Variants in TCEAL1 observed in about 807,000 individuals in gnomAD.
TCEAL1 encodes the protein transcription elongation factor A protein-like 1.
For missense variants in TCEAL1, 82 were observed against 125.9 expected (o/e 0.65, Z 1.67); for synonymous variants, 48 against 46.0 (o/e 1.04, Z -0.17).
chrX:103,630,042 G>A lies in TCEAL1; in HGVS notation c.126G>A (p.Gln42=), dbSNP rs1335079474. 1.2e-5 allele frequency: 15 copies of A among 1,208,192 alleles called. No individual in the cohort carries two copies. Among genetic ancestry groups the A allele is most frequent in the Non-Finnish European group, 1.7e-5 (15 of 894,396 alleles). Residue 42 remains glutamine, a synonymous_variant, in exon 3 of 3, where the codon CAG becomes CAA. Transcript: ENST00000372625. The part of the protein sequence containing the change: ...QSPEEQSSEE[Q]SSEEEFFPEE... ...CCGAGGAGCAGTCTTCGGAGGAGCA[G>A]TCCTCGGAGGAGGAGTTCTTTCCTG...
chrX:103,630,239 G>A lies in TCEAL1; in HGVS notation c.323G>A (p.Arg108His). 4 of 1,211,886 alleles carry A rather than the reference G, an allele frequency of 3.3e-6. No individual in the cohort carries two copies. Among genetic ancestry groups the A allele is most frequent in the Non-Finnish European group, 4.5e-6 (4 of 895,592 alleles). Residue 108 changes from arginine to histidine, a missense_variant, in exon 3 of 3, where the codon CGT (arginine) becomes CAT (histidine). Transcript: ENST00000372625. The part of the protein sequence containing the change: ...EEGSFKERLA[R>H]SRPQFRGDIH... ...GGAAGCTTTAAAGAAAGGTTGGCTC[G>A]TTCTCGCCCGCAATTTAGAGGGGAC...
In TCEAL1 at chrX:103,630,329, A is replaced by G. The variant is rs751269057; in HGVS notation, c.413A>G (p.Lys138Arg). ...GCAGCAGATGAGCTAGAAGAGATGAAAAGAGTAAGAAACAAACTGATGATA... is the reference window on the plus strand; with the variant it reads ...GCAGCAGATGAGCTAGAAGAGATGAGAAGAGTAAGAAACAAACTGATGATA... ...IQAADELEEM[K>R]RVRNKLMIMH... Residue 138 changes from lysine to arginine, a missense_variant, in exon 3 of 3, where the codon AAA (lysine) becomes AGA (arginine). Transcript: ENST00000372625. The G allele has an allele frequency of 4.8e-5, 58 of 1,210,364 alleles. No homozygotes were observed. Among genetic ancestry groups the G allele is most frequent in the Non-Finnish European group, 6.0e-5 (54 of 895,178 alleles).
rs775237143 is a variant in TCEAL1, at chrX:103,630,245, G to A, written c.329G>A (p.Arg110His). 4 of 1,210,271 alleles carry A rather than the reference G, an allele frequency of 3.3e-6. No homozygotes were observed. Among genetic ancestry groups the A allele is most frequent in the Non-Finnish European group, 4.5e-6 (4 of 895,284 alleles). The change falls in exon 3 of 3, where the codon CGC becomes CAC. Residue 110 changes from arginine (R) to histidine (H), a missense_variant. Physicochemically the swap from Arg to His is conservative, Grantham distance 29 (BLOSUM62 0). Transcript: ENST00000372625. ...GSFKERLARS[R>H]PQFRGDIHGR... ...TTTAAAGAAAGGTTGGCTCGTTCTC[G>A]CCCGCAATTTAGAGGGGACATACAT...
rs1191741370 is a variant in TCEAL1, at chrX:103,629,553, A to G, written c.-53A>G. Reference sequence around the variant, plus strand: ...GACGACTAGGAGCACACGGCCCGGAAAGGTCCAGGTCAGGGAAGGGGTACG... The same window carrying G: ...GACGACTAGGAGCACACGGCCCGGAGAGGTCCAGGTCAGGGAAGGGGTACG... On this transcript the variant is annotated 5_prime_UTR_variant, in exon 2 of 3. Transcript: ENST00000372625. The G allele has an allele frequency of 6.4e-6, 1 of 155,491 alleles. No individual in the cohort carries two copies. Among genetic ancestry groups the G allele is most frequent in the Non-Finnish European group, 1.2e-5 (1 of 80,372 alleles). 12.8% of individuals were successfully genotyped at this position (155,491 alleles called of 1,213,427 possible).
In TCEAL1 at chrX:103,630,333, A is replaced by G. The variant is rs1375096471; in HGVS notation, c.417A>G (p.Arg139=). The change falls in exon 3 of 3, where the codon AGA becomes AGG. Residue 139 remains arginine (R), a synonymous_variant. Coordinates refer to ENST00000372625, the MANE Select transcript of TCEAL1 (RefSeq NM_004780.3). ...CAGATGAGCTAGAAGAGATGAAAAG[A>G]GTAAGAAACAAACTGATGATAATGC... The part of the protein sequence containing the change: ...QAADELEEMK[R]VRNKLMIMHW... The G allele has an allele frequency of 8.3e-7, 1 of 1,210,472 alleles. No homozygotes were observed. Among genetic ancestry groups the G allele is most frequent in the Non-Finnish European group, 1.1e-6 (1 of 895,170 alleles).
Position 103,629,985 on chromosome X carries a change from T to G in TCEAL1, c.69T>G (p.Pro23=). The G allele has an allele frequency of 8.4e-7, 1 of 1,194,293 alleles. No individual in the cohort carries two copies. The highest frequency in any genetic ancestry group is 1.1e-6 in the Non-Finnish European group (1 of 886,321). The change falls in exon 3 of 3, where the codon CCT becomes CCG. Residue 23 remains proline (P), a synonymous_variant. Transcript: ENST00000372625. ...QSAPKTDEER[P]PVEHSPEKQS... is the part of the protein sequence containing the mutation. ...CGCCCAAGACCGATGAGGAGAGGCC[T>G]CCGGTGGAGCACTCTCCCGAAAAGC... is the stretch of plus-strand genomic sequence containing the variant.
intron 2 of TCEAL1, 131 bp downstream of exon 2, chrX:103,629,704 T>C: frequency 2.5e-6 from 1 of 402,504 alleles, no homozygotes; most frequent in Non-Finnish European, 4.1e-6. Context: ...TGGTGGGCTT[T>C]CGGGAAGGAG....
chrX:103,630,032 C>T lies in TCEAL1; in HGVS notation c.116C>T (p.Ser39Leu), dbSNP rs1033618962. Residue 39 changes from serine to leucine, a missense_variant, in exon 3 of 3, where the codon TCG becomes TTG. Ser to Leu is a moderately radical substitution (Grantham distance 145). Coordinates refer to ENST00000372625, the MANE Select transcript of TCEAL1 (RefSeq NM_004780.3). ...AAGCAGTCCCCCGAGGAGCAGTCTTCGGAGGAGCAGTCCTCGGAGGAGGAG... is the reference window on the plus strand; with the variant it reads ...AAGCAGTCCCCCGAGGAGCAGTCTTTGGAGGAGCAGTCCTCGGAGGAGGAG... Reference protein sequence around the residue: ...PEKQSPEEQSSEEQSSEEEFF... With the variant: ...PEKQSPEEQSLEEQSSEEEFF... The T allele has an allele frequency of 8.3e-7, 1 of 1,209,574 alleles. No homozygotes were observed. The highest frequency in any genetic ancestry group is 1.1e-6 in the Non-Finnish European group (1 of 894,500).
At chrX:103,629,769 C>G in intron 2 of TCEAL1, 116 bp from the exon 3 acceptor site, 1 of 693,475 alleles carries the variant, frequency 1.4e-6, no homozygotes, top group Non-Finnish European at 2.0e-6. Flanking sequence ...TGGGAAAGCG[C>G]AAGGTTGAGG....
Position 103,630,358 on chromosome X carries a change from C to T in TCEAL1, c.442C>T (p.His148Tyr), listed in dbSNP as rs767087571. Reference sequence around the variant, plus strand: ...AGTAAGAAACAAACTGATGATAATGCACTGGAAGGCAAAACGGAGCCGTCC... The same window carrying T: ...AGTAAGAAACAAACTGATGATAATGTACTGGAAGGCAAAACGGAGCCGTCC... The part of the protein sequence containing the change: ...KRVRNKLMIM[H>Y]WKAKRSRPYP... The change falls in exon 3 of 3, where the codon CAC (histidine) becomes TAC (tyrosine). Residue 148 changes from histidine to tyrosine, a missense_variant. Physicochemically the swap from His to Tyr is moderately conservative, Grantham distance 83. Coordinates refer to ENST00000372625, the MANE Select transcript of TCEAL1 (RefSeq NM_004780.3). The T allele has an allele frequency of 1.7e-6, 2 of 1,209,555 alleles. No individual in the cohort carries two copies. Among genetic ancestry groups the T allele is most frequent in the South Asian group, 3.5e-5 (2 of 56,508 alleles).
At position 103,630,272 on chromosome X, in the gene TCEAL1, G is replaced by A. The variant is rs2073717378; in HGVS notation, c.356G>A (p.Gly119Asp). The A allele has an allele frequency of 8.3e-7, 1 of 1,210,469 alleles. No individual in the cohort carries two copies. Among genetic ancestry groups the A allele is most frequent in the African/African-American group, 1.7e-5 (1 of 57,241 alleles). ...SRPQFRGDIH[G>D]RNLSNEEMIQ... ...CCGCAATTTAGAGGGGACATACATG[G>A]CAGAAATTTAAGCAATGAGGAGATG... The change falls in exon 3 of 3, where the codon GGC (glycine) becomes GAC (aspartate). Residue 119 changes from glycine (G) to aspartate (D), a missense_variant. Transcript: ENST00000372625.
rs767267315 is a variant in TCEAL1, at chrX:103,630,192, A to G, written c.276A>G (p.Val92=). The part of the protein sequence containing the change: ...RPPMEQPPCG[V]GKHKLEEGSF... Reference sequence around the variant, plus strand: ...CCATGGAGCAGCCTCCTTGTGGAGTAGGAAAACATAAGCTTGAAGAAGGAA... The same window carrying G: ...CCATGGAGCAGCCTCCTTGTGGAGTGGGAAAACATAAGCTTGAAGAAGGAA... The change falls in exon 3 of 3, where the codon GTA becomes GTG. Residue 92 remains valine (V), a synonymous_variant. Coordinates refer to ENST00000372625, the MANE Select transcript of TCEAL1 (RefSeq NM_004780.3). 2.4e-5 allele frequency: 29 copies of G among 1,210,267 alleles called. No homozygotes were observed. Among genetic ancestry groups the G allele is most frequent in the Non-Finnish European group, 3.2e-5 (29 of 895,216 alleles).
Position 103,630,060 on chromosome X carries a change from C to T in TCEAL1, c.144C>T (p.Phe48=). The change falls in exon 3 of 3, where the codon TTC becomes TTT. Residue 48 remains phenylalanine (F), a synonymous_variant. Transcript: ENST00000372625. ...AGGAGCAGTCCTCGGAGGAGGAGTT[C>T]TTTCCTGAGGAGCTCTTGCCTGAGC... ...SSEEQSSEEE[F]FPEELLPELL... 5 of 1,210,683 alleles carry T rather than the reference C, an allele frequency of 4.1e-6. No individual in the cohort carries two copies. The East Asian group carries it at 8.9e-5, about 22-fold the overall frequency.
At chrX:103,629,332 G>A (rs1229433716) in intron 1 of TCEAL1, among the ~76,000 whole-genome samples, 162 bp from the exon 2 acceptor site, 1 of 111,787 alleles carries the variant, frequency 8.9e-6, no homozygotes, top group Non-Finnish European at 1.9e-5. Flanking sequence ...GGAGCACGGA[G>A]GACGAAGCTT....
In TCEAL1 at chrX:103,630,018, C is replaced by T. The variant is rs780665016; in HGVS notation, c.102C>T (p.Pro34=). 2.5e-6 allele frequency: 3 copies of T among 1,207,904 alleles called. No homozygotes were observed. The East Asian group carries it at 8.9e-5, about 36-fold the overall frequency. Residue 34 remains proline (P), a synonymous_variant, in exon 3 of 3, where the codon CCC becomes CCT. Coordinates refer to ENST00000372625, the MANE Select transcript of TCEAL1 (RefSeq NM_004780.3). ...AGCACTCTCCCGAAAAGCAGTCCCC[C>T]GAGGAGCAGTCTTCGGAGGAGCAGT... ...PVEHSPEKQS[P]EEQSSEEQSS... is the part of the protein sequence containing the mutation.
chrX:103,630,082 G>C lies in TCEAL1; in HGVS notation c.166G>C (p.Glu56Gln). 8.3e-7 allele frequency: 1 copy of C among 1,210,762 alleles called. No individual in the cohort carries two copies. The highest frequency in any genetic ancestry group is 1.8e-5 in the South Asian group (1 of 56,803). ...EEFFPEELLPELLPEMLLSEE... is the reference protein window; with the variant it reads ...EEFFPEELLPQLLPEMLLSEE... ...GTTCTTTCCTGAGGAGCTCTTGCCTGAGCTCCTGCCTGAGATGCTCCTCTC... is the reference window on the plus strand; with the variant it reads ...GTTCTTTCCTGAGGAGCTCTTGCCTCAGCTCCTGCCTGAGATGCTCCTCTC... Residue 56 changes from glutamate to glutamine, a missense_variant, in exon 3 of 3, where the codon GAG (glutamate) becomes CAG (glutamine). Transcript: ENST00000372625.
chrX:103,629,236 C>T (rs999931406), intron 1 of TCEAL1, among the ~76,000 whole-genome samples: 1 of 111,545 alleles, frequency 9.0e-6, no homozygotes. Context: ...GAGGGGGGTA[C>T]AGACATTTGG....
chrX:103,630,131 G>C lies in TCEAL1; in HGVS notation c.215G>C (p.Gly72Ala). 8.3e-7 allele frequency: 1 copy of C among 1,211,645 alleles called. No homozygotes were observed. Among genetic ancestry groups the C allele is most frequent in the Non-Finnish European group, 1.1e-6 (1 of 895,382 alleles). Residue 72 changes from glycine (G) to alanine (A), a missense_variant, in exon 3 of 3, where the codon GGT becomes GCT. By Grantham distance (60) the Gly-to-Ala change is moderately conservative. Coordinates refer to ENST00000372625, the MANE Select transcript of TCEAL1 (RefSeq NM_004780.3). Reference protein sequence around the residue: ...LLSEERPPQEGLSRKDLFEGR... With the variant: ...LLSEERPPQEALSRKDLFEGR... Reference sequence around the variant, plus strand: ...TCGGAGGAGCGCCCTCCGCAGGAGGGTCTTTCCAGGAAGGACCTGTTTGAG... The same window carrying C: ...TCGGAGGAGCGCCCTCCGCAGGAGGCTCTTTCCAGGAAGGACCTGTTTGAG...
At position 103,629,439 on chromosome X, in the gene TCEAL1, G is replaced by C. The variant is rs917188922; in HGVS notation, c.-112-55G>C. Reference sequence around the variant, plus strand: ...AGTGGGGGGTGGGGGGTGTCAGTCAGTCCGTCCCTCCTCCCCACTCCCCGC... The same window carrying C: ...AGTGGGGGGTGGGGGGTGTCAGTCACTCCGTCCCTCCTCCCCACTCCCCGC... On this transcript the variant is annotated intron_variant, in intron 1 of 2. Coordinates refer to ENST00000372625, the MANE Select transcript of TCEAL1 (RefSeq NM_004780.3). 13 of 113,119 alleles carry C rather than the reference G, an allele frequency of 1.1e-4. No individual in the cohort carries two copies. In the East Asian group the frequency reaches 3.4e-3, roughly 29 times the overall value. 9.3% of individuals were successfully genotyped at this position (113,119 alleles called of 1,213,427 possible). A position where few individuals can be genotyped will look rare whatever the true frequency, so the allele number is the denominator to read the frequency against.
Sources: allele counts gnomAD v4.1 joint callset (sites outside exome capture counted in the v4.1 genomes callset), GRCh38; gene constraint gnomAD v4.1.1; transcripts MANE v1.5; gene names NCBI Gene and HGNC (gene_info 2026-07-23, HGNC 2026-07-21).